Variants in CSMD1 observed in about 807,000 individuals in gnomAD.
CSMD1 encodes the protein CUB and Sushi multiple domains 1.
Under a neutral mutation model 417.5 loss-of-function variants are expected in CSMD1, and 213 were observed. The observed-to-expected ratio is 0.51, with a 90% CI of 0.46 to 0.57. The LOEUF (loss-of-function observed/expected upper bound fraction) is 0.57. CSMD1 is among the 20% of genes least tolerant of loss of function. The pLI, the probability that CSMD1 is intolerant of heterozygous loss-of-function variation, is 0.00. For missense variants in CSMD1, 6,923 were observed against 4,529.7 expected, an observed-to-expected ratio of 1.53 and a Z score of -15.17; for synonymous variants, 2,862 against 1,736.8, an observed-to-expected ratio of 1.65 and a Z score of -16.11.
At chr8:3,344,294 A>G (rs1807846517) in intron 22 of CSMD1, among the ~76,000 whole-genome samples, 1 of 152,156 alleles carries the variant, frequency 6.6e-6, no homozygotes, top group Admixed American at 6.5e-5. Flanking sequence ...CATGAGGCTC[A>G]GGTAACAGAA....
intron 7 of CSMD1, among the ~76,000 whole-genome samples, chr8:3,692,440 CAAT>C (rs1206376712): frequency 7.3e-6 from 1 of 137,118 alleles, no homozygotes. Context: ...TATACTTTAA[CAAT>C]AATTTTTTTT....
intron 5 of CSMD1, among the ~76,000 whole-genome samples, chr8:3,822,764 T>C (rs1052315383): frequency 2.0e-5 from 3 of 152,152 alleles, no homozygotes; most frequent in African/African-American, 7.2e-5. Context: ...ACAGGTTTGT[T>C]GAGAATAAAG....
intron 1 of CSMD1, among the ~76,000 whole-genome samples, chr8:4,690,859 G>A (rs1486864834): frequency 6.6e-6 from 1 of 152,268 alleles, no homozygotes; most frequent in South Asian, 2.1e-4. Flanking sequence ...CTCCTGAGCA[G>A]CTGGGACTAT....
At chr8:3,006,875 T>C (rs1807953814) in intron 52 of CSMD1, among the ~76,000 whole-genome samples, 1 of 141,990 alleles carries the variant, frequency 7.0e-6, no homozygotes, top group Non-Finnish European at 1.5e-5. Flanking sequence ...AAAGACTTCA[T>C]GTCTAAAACA....
chr8:4,208,974 C>G (rs1485770788), intron 3 of CSMD1, among the ~76,000 whole-genome samples: 1 of 152,150 alleles, frequency 6.6e-6, no homozygotes, highest in Admixed American at 6.6e-5. Context: ...AGCTGAAAAA[C>G]CTACCAGTGA....
intron 26 of CSMD1, among the ~76,000 whole-genome samples, chr8:3,271,507 G>A (rs1248209297): frequency 6.8e-6 from 1 of 147,354 alleles, no homozygotes; most frequent in African/African-American, 2.5e-5. Flanking sequence ...TGTCCACACT[G>A]ACTTCCACAA....
At chr8:4,293,140 C>T (rs980623938) in intron 3 of CSMD1, among the ~76,000 whole-genome samples, 1 of 152,078 alleles carries the variant, frequency 6.6e-6, no homozygotes, top group African/African-American at 2.4e-5. Flanking sequence ...AGTTTTGTCC[C>T]GCACCTGCCC....
At chr8:4,319,385 C>T (rs1799128123) in intron 3 of CSMD1, among the ~76,000 whole-genome samples, 1 of 151,848 alleles carries the variant, frequency 6.6e-6, no homozygotes. Context: ...AATACTGAGC[C>T]TCTGGGGCCC....
chr8:4,194,396 C>G (rs1365687667), intron 3 of CSMD1, among the ~76,000 whole-genome samples: 1 of 152,106 alleles, frequency 6.6e-6, no homozygotes, highest in Non-Finnish European at 1.5e-5. Flanking sequence ...AGTCATGAAA[C>G]AATGGACACT....
intron 37 of CSMD1, among the ~76,000 whole-genome samples, chr8:3,175,275 G>C (rs1375262809): frequency 1.3e-5 from 2 of 152,126 alleles, no homozygotes; most frequent in East Asian, 1.9e-4. Flanking sequence ...TAATGAAAGA[G>C]TTGTTATATT....
At chr8:3,190,924 A>T (rs1796381041) in intron 33 of CSMD1, among the ~76,000 whole-genome samples, 1 of 152,238 alleles carries the variant, frequency 6.6e-6, no homozygotes, top group African/African-American at 2.4e-5. Context: ...AGTGGCACTC[A>T]TAGAACCAGA....
intron 3 of CSMD1, among the ~76,000 whole-genome samples, chr8:4,159,946 G>C (rs1170973129): frequency 6.6e-6 from 1 of 152,070 alleles, no homozygotes; most frequent in African/African-American, 2.4e-5. Flanking sequence ...AGGGGAAAGG[G>C]TGGGAGGGGG....
At chr8:3,067,086 C>A (rs1812983163) in intron 49 of CSMD1, among the ~76,000 whole-genome samples, 1 of 117,572 alleles carries the variant, frequency 8.5e-6, no homozygotes, top group Non-Finnish European at 2.2e-5. Flanking sequence ...TGGGGCCTGG[C>A]ACAGAACAAG....
intron 2 of CSMD1, among the ~76,000 whole-genome samples, chr8:4,581,101 T>C (rs1799395226): frequency 6.6e-6 from 1 of 152,166 alleles, no homozygotes; most frequent in East Asian, 1.9e-4. Context: ...AACATTCAAA[T>C]AATATTAACT....
chr8:4,253,634 G>C (rs1487678960), intron 3 of CSMD1, among the ~76,000 whole-genome samples: 1 of 151,972 alleles, frequency 6.6e-6, no homozygotes, highest in Non-Finnish European at 1.5e-5. Flanking sequence ...GAGGGAAGGG[G>C]CCAGATCTAC....
At chr8:3,274,055 G>C (rs2117171967) in intron 26 of CSMD1, among the ~76,000 whole-genome samples, 3 of 151,192 alleles carry the variant, frequency 2.0e-5, no homozygotes, top group African/African-American at 7.3e-5. Flanking sequence ...GCTTTCTCTT[G>C]TGGGCATTTA....
intron 3 of CSMD1, among the ~76,000 whole-genome samples, chr8:4,041,578 A>C (rs559522556): frequency 6.6e-6 from 1 of 152,320 alleles, no homozygotes; most frequent in East Asian, 1.9e-4. Flanking sequence ...TGAGATTCAC[A>C]GTCTCTGGCA....
At chr8:4,301,256 C>A (rs1797966506) in intron 3 of CSMD1, among the ~76,000 whole-genome samples, 1 of 152,174 alleles carries the variant, frequency 6.6e-6, no homozygotes, top group South Asian at 2.1e-4. Context: ...CATCATCATT[C>A]TTTGGCCCTC....
intron 3 of CSMD1, among the ~76,000 whole-genome samples, chr8:4,284,083 A>C (rs1376521023): frequency 6.6e-6 from 1 of 151,688 alleles, no homozygotes; most frequent in South Asian, 2.1e-4. Context: ...AAATACAAAA[A>C]TTAGCTAGGC....
Sources: gnomAD v4.1 joint callset for allele counts (sites outside exome capture counted in the v4.1 genomes callset) on GRCh38, gnomAD v4.1.1 for gene constraint, MANE v1.5 for transcripts, NCBI Gene and HGNC (gene_info 2026-07-23, HGNC 2026-07-21) for gene names.